POMK: variants seen among roughly 807,000 people sequenced by gnomAD.
POMK encodes Sugen kinase 196.
In POMK, 19 loss-of-function variants were observed where a neutral mutation model predicts 23.0. The observed-to-expected ratio is 0.83, with a 90% CI of 0.58 to 1.21. The LOEUF is 1.21. POMK is among the 50% of genes most tolerant of loss of function. The probability of loss-of-function intolerance (pLI) is 0.00; values close to 1 mark genes in which losing one functional copy is unlikely to be tolerated. For synonymous variants in POMK, 173 were observed against 171.6 expected (o/e 1.01, Z -0.06); for missense variants, 410 against 431.3 (o/e 0.95, Z 0.44).
intron 2 of POMK, among the ~76,000 whole-genome samples, chr8:43,099,481 C>A (rs1193691208): frequency 6.6e-6 from 1 of 152,198 alleles, no homozygotes; most frequent in Non-Finnish European, 1.5e-5. Flanking sequence ...GACCCCACTA[C>A]GTGGACTCAG....
At chr8:43,113,497 T>C (rs1473386102) in intron 4 of POMK, among the ~76,000 whole-genome samples, 2 of 152,238 alleles carry the variant, frequency 1.3e-5, no homozygotes, top group African/African-American at 2.4e-5. Context: ...TTGGTTATTC[T>C]AGTTATACAT....
At chr8:43,095,675 C>A (rs1195729625) in intron 1 of POMK, among the ~76,000 whole-genome samples, 1 of 152,184 alleles carries the variant, frequency 6.6e-6, no homozygotes, top group African/African-American at 2.4e-5. Context: ...TCTTCACTTG[C>A]ACAAATACCT....
chr8:43,102,327 ACT>A (rs1310778527), intron 2 of POMK, among the ~76,000 whole-genome samples, 176 bp from the exon 3 acceptor site: 2 of 151,988 alleles, frequency 1.3e-5, no homozygotes, highest in Non-Finnish European at 2.9e-5. Context: ...GGACAGAGAG[ACT>A]CTGATGGGCT....
intron 4 of POMK, among the ~76,000 whole-genome samples, chr8:43,114,733 G>A (rs773491345): frequency 6.6e-6 from 1 of 152,234 alleles, no homozygotes. Flanking sequence ...GACCAGAGCT[G>A]TTCCTATTCG....
intron 4 of POMK, among the ~76,000 whole-genome samples, chr8:43,117,492 A>G (rs1428710141): frequency 6.6e-6 from 1 of 152,172 alleles, no homozygotes; most frequent in Non-Finnish European, 1.5e-5. Flanking sequence ...AAGGGGTGGT[A>G]AAGGCAGAAG....
intron 4 of POMK, among the ~76,000 whole-genome samples, chr8:43,113,579 T>A (rs1178333846): frequency 6.6e-6 from 1 of 152,228 alleles, no homozygotes. Context: ...CTCGGCGTAG[T>A]TTGATTGTCT....
At chr8:43,095,058 G>A (rs1811305883) in intron 1 of POMK, among the ~76,000 whole-genome samples, 2 of 152,198 alleles carry the variant, frequency 1.3e-5, no homozygotes, top group Admixed American at 1.3e-4. Context: ...GAGGTGGGCT[G>A]AAGTCTTCTT....
At chr8:43,101,822 T>G (rs1235607103) in intron 2 of POMK, among the ~76,000 whole-genome samples, 2 of 152,204 alleles carry the variant, frequency 1.3e-5, no homozygotes, top group Non-Finnish European at 2.9e-5. Context: ...AAAGGGGGTT[T>G]TTGACACTTT....
intron 2 of POMK, among the ~76,000 whole-genome samples, chr8:43,101,519 T>C (rs1434279925): frequency 6.6e-6 from 1 of 151,750 alleles, no homozygotes; most frequent in Non-Finnish European, 1.5e-5. Context: ...CTCAAAGCCA[T>C]GTAGAACTGA....
chr8:43,114,603 G>A (rs977120083), intron 4 of POMK, among the ~76,000 whole-genome samples: 1 of 152,218 alleles, frequency 6.6e-6, no homozygotes, highest in Middle Eastern at 3.2e-3. Context: ...CTCGTGCACG[G>A]TGCGCTGCAC....
At chr8:43,101,309 C>T (rs1291549585) in intron 2 of POMK, among the ~76,000 whole-genome samples, 1 of 151,360 alleles carries the variant, frequency 6.6e-6, no homozygotes, top group Non-Finnish European at 1.5e-5. Context: ...ACCTGTAGTC[C>T]CAGCTACTAA....
chr8:43,099,164 T>A (rs1054903342), intron 2 of POMK, among the ~76,000 whole-genome samples: 1 of 152,206 alleles, frequency 6.6e-6, no homozygotes, highest in African/African-American at 2.4e-5. Flanking sequence ...TTACCCTGGC[T>A]GGTCTGGAAC....
intron 4 of POMK, among the ~76,000 whole-genome samples, chr8:43,112,163 C>T (rs1022297640): frequency 2.6e-5 from 4 of 152,088 alleles, no homozygotes; most frequent in Non-Finnish European, 5.9e-5. Context: ...AAGTTAAAAA[C>T]TTCGAAAAAA....
intron 4 of POMK, among the ~76,000 whole-genome samples, chr8:43,118,672 G>A (rs1811850426): frequency 6.6e-6 from 1 of 152,198 alleles, no homozygotes; most frequent in South Asian, 2.1e-4. Flanking sequence ...AAATATTTGT[G>A]TGTGATCTCA....
intron 1 of POMK, among the ~76,000 whole-genome samples, chr8:43,096,049 G>C (rs1811328879): frequency 6.6e-6 from 1 of 152,174 alleles, no homozygotes; most frequent in Non-Finnish European, 1.5e-5. Flanking sequence ...AAGAGGGAGA[G>C]GTGCAGAGTG....
chr8:43,110,725 C>T (rs1371078645), intron 4 of POMK, among the ~76,000 whole-genome samples: 1 of 152,150 alleles, frequency 6.6e-6, no homozygotes, highest in Non-Finnish European at 1.5e-5. Context: ...AAGAGACCAG[C>T]CAACATGGTA....
chr8:43,107,717 G>A (rs1175039049), intron 4 of POMK, among the ~76,000 whole-genome samples: 1 of 150,250 alleles, frequency 6.7e-6, no homozygotes, highest in Non-Finnish European at 1.5e-5. Context: ...GTCTTGCTCC[G>A]TCACCCAGGC....
chr8:43,120,922 C>T (rs1811905856), intron 4 of POMK, among the ~76,000 whole-genome samples: 1 of 152,184 alleles, frequency 6.6e-6, no homozygotes, highest in African/African-American at 2.4e-5. Context: ...GGTGATCCAC[C>T]CGCCTTGGCC....
chr8:43,117,189 C>T (rs969052444), intron 4 of POMK, among the ~76,000 whole-genome samples: 4 of 152,098 alleles, frequency 2.6e-5, no homozygotes, highest in Non-Finnish European at 5.9e-5. Context: ...TCAGTTAAGG[C>T]GGGGCAGGGC....
Sources: allele counts gnomAD v4.1 joint callset (sites outside exome capture counted in the v4.1 genomes callset), GRCh38; gene constraint gnomAD v4.1.1; transcripts MANE v1.5; gene names NCBI Gene and HGNC (gene_info 2026-07-23, HGNC 2026-07-21).